Variants in STXBP5 observed in about 807,000 individuals in gnomAD.
STXBP5 encodes syntaxin-binding protein 5.
Under a neutral mutation model 152.4 loss-of-function variants are expected in STXBP5, and 50 were observed. The observed-to-expected ratio is 0.33, with a 90% CI of 0.26 to 0.42. STXBP5 has a LOEUF of 0.42. Among genes scored for constraint, STXBP5 ranks in the 10% least tolerant of loss-of-function variants. The probability of loss-of-function intolerance (pLI) is 1.00; values close to 1 mark genes in which losing one functional copy is unlikely to be tolerated. For synonymous variants in STXBP5, 492 were observed against 494.7 expected (o/e 0.99, Z 0.07); for missense variants, 1,167 against 1,388.6 (o/e 0.84, Z 2.54).
rs1263620675 is a variant in STXBP5, at chr6:147,204,735, T to A, written c.150+53T>A. The stretch of plus-strand genomic sequence containing the variant: ...CCGTCATTGAAAAATTGGGGTTGTT[T>A]TAAGGGGGCTACTCGGGCTTTACAT... On this transcript the variant is annotated intron_variant, in intron 1 of 27. Coordinates refer to ENST00000321680, the MANE Select transcript of STXBP5 (RefSeq NM_001127715.4). This position sits in a 1 kb window ranked among gnomAD's most constrained non-coding sequence, Gnocchi z 4.3. The A allele has an allele frequency of 2.1e-5, 31 of 1,504,162 alleles. No homozygotes were observed. Among genetic ancestry groups the A allele is most frequent in the Admixed American group, 4.4e-5 (2 of 45,920 alleles). 93.2% of individuals were successfully genotyped at this position (1,504,162 alleles called of 1,614,324 possible).
rs563974486 is a variant in STXBP5, at chr6:147,240,336, T to C, written c.431+1066T>C. Among the ~76,000 whole-genome samples, 3 of 152,296 alleles carry C rather than the reference T, an allele frequency of 2.0e-5. No individual in the cohort carries two copies. In the East Asian group the frequency reaches 5.8e-4, roughly 29 times the overall value. ...AAATATGAGTAAGGATATAGTCCCT[T>C]CCCTCAATAGTTTTGAGAGACATAT... On this transcript the variant is annotated intron_variant, in intron 4 of 27. Transcript: ENST00000321680.
rs773541943 is a variant in STXBP5 at position 147,373,784 on chromosome 6, G to A, written c.3135G>A (p.Arg1045=). Reference sequence around the variant, plus strand: ...TAGAAACACCTGAAGCACCAAACAGGGGATTCTTTAAAGGCTTATTTGGAG... The same window carrying A: ...TAGAAACACCTGAAGCACCAAACAGAGGATTCTTTAAAGGCTTATTTGGAG... The part of the protein sequence containing the change: ...TPVETPEAPN[R]GFFKGLFGGG... The change falls in exon 26 of 28, where the codon AGG becomes AGA. Residue 1045 remains arginine, a synonymous_variant. Transcript: ENST00000321680. 6 of 1,613,842 alleles carry A rather than the reference G, an allele frequency of 3.7e-6. No individual in the cohort carries two copies. Among genetic ancestry groups the A allele is most frequent in the Non-Finnish European group, 5.1e-6 (6 of 1,179,870 alleles).
rs369964231 is a variant in STXBP5 at position 147,341,616 on chromosome 6, C to T, written c.2254+2232C>T. On this transcript the variant is annotated intron_variant, in intron 21 of 27. Transcript: ENST00000321680. ...AAATAGCTTGGCCCTGAAAGTTTGC[C>T]CCTGAGTTTTACCTGTTCTTCGAGA... Among the ~76,000 whole-genome samples, 12 of 151,988 alleles carry T rather than the reference C, an allele frequency of 7.9e-5. 1 individual carries two copies. In the East Asian group the frequency reaches 1.2e-3, roughly 15 times the overall value.
rs151087500 is a variant in STXBP5, at chr6:147,380,395, C to T, written c.3194-2383C>T. ...TTTTACAAGGACGCCAAGAAAATTACGTGGCCAAAGAATGGTCTTTTCAAT... is the reference window on the plus strand; with the variant it reads ...TTTTACAAGGACGCCAAGAAAATTATGTGGCCAAAGAATGGTCTTTTCAAT... On this transcript the variant is annotated intron_variant, in intron 26 of 27. Transcript: ENST00000321680. Among the ~76,000 whole-genome samples the T allele has an allele frequency of 2.7e-4, 40 of 146,268 alleles. 1 individual carries two copies. In the East Asian group the frequency reaches 5.8e-3, roughly 21 times the overall value.
chr6:147,225,898 G>A (rs561084066), intron 2 of STXBP5, among the ~76,000 whole-genome samples: 1 of 152,122 alleles, frequency 6.6e-6, no homozygotes, highest in Admixed American at 6.5e-5. Context: ...GGATTTTAAG[G>A]GCTATAATGG....
At chr6:147,220,744 C>T (rs1777416743) in intron 2 of STXBP5, among the ~76,000 whole-genome samples, 1 of 152,050 alleles carries the variant, frequency 6.6e-6, no homozygotes, top group African/African-American at 2.4e-5. Context: ...TACTTTTATT[C>T]TATATGTGTC....
chr6:147,380,534 T>C (rs1786034440), intron 26 of STXBP5, among the ~76,000 whole-genome samples: 1 of 149,616 alleles, frequency 6.7e-6, no homozygotes, highest in South Asian at 2.1e-4. Context: ...AAGACCTCAA[T>C]ATAAGAGCTA....
intron 2 of STXBP5, among the ~76,000 whole-genome samples, chr6:147,231,497 G>A (rs1454671356): frequency 1.3e-5 from 2 of 151,762 alleles, no homozygotes; most frequent in Non-Finnish European, 3.0e-5. Context: ...TAGAAAAATC[G>A]AGAGCAGAAA....
intron 7 of STXBP5, 94 bp downstream of exon 7, chr6:147,267,261 C>T: frequency 1.1e-6 from 1 of 924,694 alleles, no homozygotes. Flanking sequence ...TTTAGGCAAA[C>T]TTTGTAATTG....
chr6:147,242,190 T>G (rs1014911437), intron 4 of STXBP5, among the ~76,000 whole-genome samples: 8 of 151,148 alleles, frequency 5.3e-5, no homozygotes, highest in African/African-American at 1.9e-4. Flanking sequence ...AAAAAAAGTT[T>G]AAAAAGTAAA....
intron 25 of STXBP5, among the ~76,000 whole-genome samples, chr6:147,373,460 T>A (rs1295870764): frequency 1.3e-5 from 2 of 151,900 alleles, no homozygotes; most frequent in Admixed American, 1.3e-4. Flanking sequence ...TCTGAAAGAT[T>A]AGAATCTCCT....
chr6:147,364,741 C>G (rs1251007401), intron 25 of STXBP5, among the ~76,000 whole-genome samples: 2 of 152,082 alleles, frequency 1.3e-5, no homozygotes, highest in Admixed American at 1.3e-4. Context: ...TTTAGCTTTA[C>G]CTTCCAAAGT....
intron 26 of STXBP5, among the ~76,000 whole-genome samples, chr6:147,375,225 A>G (rs1048107403): frequency 6.6e-6 from 1 of 152,192 alleles, no homozygotes; most frequent in African/African-American, 2.4e-5. Context: ...TACTTCACAT[A>G]TTGGAATTAT....
chr6:147,262,694 T>C (rs1554289998), intron 6 of STXBP5, among the ~76,000 whole-genome samples: 1 of 151,968 alleles, frequency 6.6e-6, no homozygotes, highest in Non-Finnish European at 1.5e-5. Context: ...TTTGAACACT[T>C]TGTACAATTT....
At chr6:147,308,967 T>C (rs1782234307) in intron 9 of STXBP5, among the ~76,000 whole-genome samples, 1 of 152,164 alleles carries the variant, frequency 6.6e-6, no homozygotes, top group Non-Finnish European at 1.5e-5. Context: ...TTAAGAATTA[T>C]CTGAGATTAG....
At position 147,267,067 on chromosome 6, in the gene STXBP5, T is replaced by G; in HGVS notation, c.631-17T>G. On this transcript the variant is annotated splice_polypyrimidine_tract_variant and intron_variant, in intron 6 of 27. Transcript: ENST00000321680. The stretch of plus-strand genomic sequence containing the variant: ...TGATATCATTCCTAGGTAATGTGCC[T>G]TTTTCTTTTATCACAGCTTTTGATT... 1 of 1,600,212 alleles carries G rather than the reference T, an allele frequency of 6.2e-7. No homozygotes were observed. Among genetic ancestry groups the G allele is most frequent in the Non-Finnish European group, 8.5e-7 (1 of 1,173,984 alleles).
rs374645940 is a variant in STXBP5 at position 147,315,622 on chromosome 6, A to C, written c.1510A>C (p.Ile504Leu). The part of the protein sequence containing the change: ...TDIVDEDPYA[I>L]QIISWCPESR... Reference sequence around the variant, plus strand: ...CATTGTAGATGAAGATCCATATGCCATTCAGATCATCTCCTGGTGTCCAGA... The same window carrying C: ...CATTGTAGATGAAGATCCATATGCCCTTCAGATCATCTCCTGGTGTCCAGA... The change falls in exon 15 of 28, where the codon ATT becomes CTT. Residue 504 changes from isoleucine to leucine, a missense_variant. Ile to Leu is a conservative substitution (Grantham distance 5). Transcript: ENST00000321680. 11 of 1,613,976 alleles carry C rather than the reference A, an allele frequency of 6.8e-6. No individual in the cohort carries two copies. The highest frequency in any genetic ancestry group is 9.3e-6 in the Non-Finnish European group (11 of 1,179,918).
intron 9 of STXBP5, among the ~76,000 whole-genome samples, chr6:147,301,920 G>A (rs543064079): frequency 6.8e-4 from 104 of 152,176 alleles, no homozygotes; most frequent in Middle Eastern, 3.4e-3. Flanking sequence ...CTTGTCTGGG[G>A]AAAGGTGACT....
intron 2 of STXBP5, among the ~76,000 whole-genome samples, chr6:147,210,346 ACTT>A (rs1776784274): frequency 6.6e-6 from 1 of 151,998 alleles, no homozygotes; most frequent in African/African-American, 2.4e-5. Context: ...AGTAGCCTAG[ACTT>A]CTTATTTTAG....
Sources: allele counts gnomAD v4.1 joint callset (sites outside exome capture counted in the v4.1 genomes callset), GRCh38; gene constraint gnomAD v4.1.1; non-coding constraint Gnocchi (gnomAD v3.1); transcripts MANE v1.5; gene names NCBI Gene and HGNC (gene_info 2026-07-23, HGNC 2026-07-21).